GLT8D1: variants seen among roughly 807,000 people sequenced by gnomAD.
The protein encoded by GLT8D1 is glycosyltransferase 8 domain-containing protein 1.
Under a neutral mutation model 46.2 loss-of-function variants are expected in GLT8D1, and 41 were observed. The observed-to-expected ratio is 0.89, with a 90% CI of 0.69 to 1.15. The LOEUF is 1.15. Ranked by LOEUF, GLT8D1 falls within the 50% of genes most tolerant of loss-of-function variation. The pLI is 0.00. For synonymous variants in GLT8D1, 150 were observed against 154.2 expected, an observed-to-expected ratio of 0.97 and a Z score of 0.20; for missense variants, 408 against 449.3, an observed-to-expected ratio of 0.91 and a Z score of 0.83.
intron 1 of GLT8D1, chr3:52,705,172 G>A (rs994229339): frequency 6.6e-6 from 1 of 152,294 alleles, no homozygotes; most frequent in Non-Finnish European, 1.5e-5. Context: ...ACGGAGGAGG[G>A]TCTAAGATTT....
intron 4 of GLT8D1, among the ~76,000 whole-genome samples, 185 bp from the exon 5 acceptor site, chr3:52,696,844 T>C (rs1455868063): frequency 1.4e-5 from 1 of 72,528 alleles, no homozygotes; most frequent in Admixed American, 1.6e-4. Context: ...TAAGATTGTA[T>C]GGTAATTATC....
At chr3:52,698,518 C>T (rs1421041937) in intron 3 of GLT8D1, among the ~76,000 whole-genome samples, 1 of 152,022 alleles carries the variant, frequency 6.6e-6, no homozygotes, top group Non-Finnish European at 1.5e-5. Flanking sequence ...CTCATCTCTA[C>T]TAAAAATACA....
intron 7 of GLT8D1, 130 bp from the exon 8 acceptor site, chr3:52,695,717 T>C (rs920331271): frequency 1.5e-6 from 1 of 661,550 alleles, no homozygotes; most frequent in Non-Finnish European, 2.6e-6. Flanking sequence ...AATTCCAAGT[T>C]AGAATAGGAA....
chr3:52,699,654 A>G (rs1393247278), intron 3 of GLT8D1, among the ~76,000 whole-genome samples: 1 of 152,138 alleles, frequency 6.6e-6, no homozygotes, highest in Non-Finnish European at 1.5e-5. Flanking sequence ...TCTCTTTTTT[A>G]TAAACTTTCC....
rs3733042 is a variant in GLT8D1, at chr3:52,700,209, G to C, written c.115+53C>G. 1,283 of 1,096,296 alleles carry C rather than the reference G, an allele frequency of 1.2e-3. 21 individuals are homozygous for C. The East Asian group carries it at 0.027, about 23-fold the overall frequency. The allele number at this position is 1,096,296 out of a possible 1,614,324, so 67.9% of individuals were successfully genotyped here. On this transcript the variant is annotated intron_variant, in intron 3 of 9. Coordinates refer to ENST00000266014, the MANE Select transcript of GLT8D1 (RefSeq NM_018446.4). ...AACAACTTAGGATGTGTGACACAGA[G>C]AATACCAGGTCCGCAACAGATTCTA...
chr3:52,695,671 A>C, intron 7 of GLT8D1, 84 bp from the exon 8 acceptor site: 1 of 808,024 alleles, frequency 1.2e-6, no homozygotes, highest in Non-Finnish European at 2.1e-6. Flanking sequence ...AAGAGCTGTT[A>C]AACTGACTTC....
intron 1 of GLT8D1, chr3:52,700,727 C>T (rs2097338641): frequency 2.6e-6 from 1 of 380,168 alleles, no homozygotes; most frequent in East Asian, 4.1e-5. Context: ...ACAGCCTTAG[C>T]CTTGTACATT....
Position 52,705,697 on chromosome 3 carries a change from AC to A in GLT8D1, c.-288del, listed in dbSNP as rs1367352110. 1 of 419,268 alleles carries A rather than the reference AC, an allele frequency of 2.4e-6. No homozygotes were observed. Among genetic ancestry groups the A allele is most frequent in the Non-Finnish European group, 3.5e-6 (1 of 286,156 alleles). The allele number at this position is 419,268 out of a possible 1,614,324, so 26.0% of individuals were successfully genotyped here. On this transcript the variant is annotated 5_prime_UTR_variant, in exon 1 of 10. The change creates a new upstream start codon in the 5' untranslated region. Transcript: ENST00000266014. ...GTTCCCTGCACGCTGGGCCGAGCACACTTGCCCTCTAGCTCCGTGGCAGCCG... is the reference window on the plus strand; with the variant it reads ...GTTCCCTGCACGCTGGGCCGAGCACATTGCCCTCTAGCTCCGTGGCAGCCG...
chr3:52,694,982 G>A lies in GLT8D1; in HGVS notation c.979C>T (p.Leu327Phe). Residue 327 changes from leucine (L) to phenylalanine (F), a missense_variant, in exon 10 of 10, where the codon CTC (leucine) becomes TTC (phenylalanine). Physicochemically the swap from Leu to Phe is conservative, Grantham distance 22. Transcript: ENST00000266014. ...GGCTTCAAATGTCCATTCCAATGGA[G>A]TAACTTGGCAGCCTTTACAAACTGA... Reference protein sequence around the residue: ...SPQFVKAAKLLHWNGHLKPWG... With the variant: ...SPQFVKAAKLFHWNGHLKPWG... 1 of 1,612,178 alleles carries A rather than the reference G, an allele frequency of 6.2e-7. No homozygotes were observed. The highest frequency in any genetic ancestry group is 8.5e-7 in the Non-Finnish European group (1 of 1,178,210).
chr3:52,697,372 G>C (rs1441426732), intron 4 of GLT8D1: 3 of 315,610 alleles, frequency 9.5e-6, no homozygotes, highest in Non-Finnish European at 1.8e-5. Context: ...CTCTAGACCA[G>C]AACTGCTCCG....
chr3:52,704,695 A>C (rs1355439957), intron 1 of GLT8D1: 1 of 152,236 alleles, frequency 6.6e-6, no homozygotes, highest in Non-Finnish European at 1.5e-5. Context: ...ATGAAAGGGC[A>C]CTGAGGATAT....
At chr3:52,704,631 G>GA (rs962638520) in intron 1 of GLT8D1, 1 of 152,222 alleles carries the variant, frequency 6.6e-6, no homozygotes, top group Non-Finnish European at 1.5e-5. Context: ...TCTGAGGTCA[G>GA]AAAAGTGTCA....
At chr3:52,696,782 T>C in intron 4 of GLT8D1, 123 bp from the exon 5 acceptor site, 1 of 638,084 alleles carries the variant, frequency 1.6e-6, no homozygotes, top group Non-Finnish European at 2.8e-6. Context: ...CTCTGAGCTT[T>C]GGTTTCCTCG....
In GLT8D1 at chr3:52,696,214, C is replaced by G. The variant is rs1553912020; in HGVS notation, c.532+20G>C. ...CCCAATCTGGGTGGAGAACAGCACT[C>G]ATGGTGACATTTTTGATACCTTGCA... On this transcript the variant is annotated intron_variant, in intron 6 of 9. Coordinates refer to ENST00000266014, the MANE Select transcript of GLT8D1 (RefSeq NM_018446.4). 6.6e-7 allele frequency: 1 copy of G among 1,511,838 alleles called. No individual in the cohort carries two copies. The highest frequency in any genetic ancestry group is 9.2e-7 in the Non-Finnish European group (1 of 1,086,544). The allele number at this position is 1,511,838 out of a possible 1,614,324, so 93.7% of individuals were successfully genotyped here.
At position 52,697,751 on chromosome 3, in the gene GLT8D1, A is replaced by G; in HGVS notation, c.299T>C (p.Val100Ala). ...ATGGTCTGCTGTATTGTTGAGAGTAACAATGTAGAAAATCACATTGGAGCG... is the reference window on the plus strand; with the variant it reads ...ATGGTCTGCTGTATTGTTGAGAGTAGCAATGTAGAAAATCACATTGGAGCG... ...NTRSNVIFYIVTLNNTADHLR... is the reference protein window; with the variant it reads ...NTRSNVIFYIATLNNTADHLR... Residue 100 changes from valine to alanine, a missense_variant, in exon 4 of 10, where the codon GTT (valine) becomes GCT (alanine). Val to Ala is a moderately conservative substitution (Grantham distance 64, BLOSUM62 0). Coordinates refer to ENST00000266014, the MANE Select transcript of GLT8D1 (RefSeq NM_018446.4). 7 of 1,612,622 alleles carry G rather than the reference A, an allele frequency of 4.3e-6. No homozygotes were observed. Among genetic ancestry groups the G allele is most frequent in the Non-Finnish European group, 5.9e-6 (7 of 1,178,560 alleles).
Position 52,694,737 on chromosome 3 carries a change from T to C in GLT8D1, c.*108A>G. 1.3e-6 allele frequency: 1 copy of C among 792,642 alleles called. No homozygotes were observed. Among genetic ancestry groups the C allele is most frequent in the East Asian group, 2.6e-5 (1 of 38,762 alleles). 49.1% of individuals were successfully genotyped at this position (792,642 alleles called of 1,614,324 possible). A position where few individuals can be genotyped will look rare whatever the true frequency, so the allele number is the denominator to read the frequency against. On this transcript the variant is annotated 3_prime_UTR_variant, in exon 10 of 10. Transcript: ENST00000266014. The stretch of plus-strand genomic sequence containing the variant: ...TCTTTACCTAGCTGACACATCTTTT[T>C]CCATGGCTTGCTACCGATAGGCATT...
intron 1 of GLT8D1, chr3:52,704,692 G>A (rs1232019523): frequency 6.6e-6 from 1 of 152,170 alleles, no homozygotes; most frequent in East Asian, 1.9e-4. Context: ...AGGATGAAAG[G>A]GCACTGAGGA....
chr3:52,697,086 TTC>T (rs2097334480), intron 4 of GLT8D1, among the ~76,000 whole-genome samples: 1 of 152,234 alleles, frequency 6.6e-6, no homozygotes, highest in Non-Finnish European at 1.5e-5. Context: ...TTTATACAGC[TTC>T]TGTTTCTGTA....
Position 52,705,764 on chromosome 3 carries a change from C to T in GLT8D1, c.-354G>A. ...CCCAGCCAGCCCGCAGCGGTAACCG[C>T]TAGAGCGTCGCGCCAAGCAGGCGCC... On this transcript the variant is annotated 5_prime_UTR_variant, in exon 1 of 10. Transcript: ENST00000266014. The T allele has an allele frequency of 1.8e-6, 2 of 1,134,538 alleles. No homozygotes were observed. Among genetic ancestry groups the T allele is most frequent in the Non-Finnish European group, 2.3e-6 (2 of 883,130 alleles). 70.3% of individuals were successfully genotyped at this position (1,134,538 alleles called of 1,614,324 possible). A position where few individuals can be genotyped will look rare whatever the true frequency, so the allele number is the denominator to read the frequency against.
Sources: gnomAD v4.1 joint callset for allele counts (sites outside exome capture counted in the v4.1 genomes callset) on GRCh38, gnomAD v4.1.1 for gene constraint, MANE v1.5 for transcripts, NCBI Gene and HGNC (gene_info 2026-07-23, HGNC 2026-07-21) for gene names.